Variants in MAGI2 observed in about 807,000 individuals in gnomAD.
MAGI2 encodes membrane associated guanylate kinase, WW and PDZ domain containing 2.
In MAGI2, 35 loss-of-function variants were observed where a neutral mutation model predicts 133.3. The observed-to-expected ratio is 0.26, with a 90% CI of 0.20 to 0.35. The LOEUF (loss-of-function observed/expected upper bound fraction) is 0.35, where lower values mean the gene tolerates loss of function less well. Among genes scored for constraint, MAGI2 ranks in the 10% least tolerant of loss-of-function variants. The pLI is 1.00. For missense variants in MAGI2, 1,636 were observed against 1,863.4 expected, an observed-to-expected ratio of 0.88 and a Z score of 2.25; for synonymous variants, 729 against 710.6, an observed-to-expected ratio of 1.03 and a Z score of -0.41.
intron 1 of MAGI2, among the ~76,000 whole-genome samples, chr7:79,154,888 C>T (rs1280808556): frequency 6.6e-6 from 1 of 152,180 alleles, no homozygotes; most frequent in Non-Finnish European, 1.5e-5. Flanking sequence ...AAAACAGCAA[C>T]AACAACAAAA....
At chr7:78,578,342 T>C (rs73378203) in intron 3 of MAGI2, among the ~76,000 whole-genome samples, 6,110 of 152,104 alleles carry the variant, frequency 0.04, 307 homozygotes, top group African/African-American at 0.12. Context: ...ACAATGTACA[T>C]AGTACATGTA....
chr7:79,032,214 C>T (rs966114415), intron 1 of MAGI2, among the ~76,000 whole-genome samples: 7 of 151,990 alleles, frequency 4.6e-5, no homozygotes, highest in African/African-American at 1.4e-4. Context: ...CTTTTGGCTT[C>T]GATCAATATA....
chr7:79,214,754 T>C lies in MAGI2; in HGVS notation c.302-207548A>G, dbSNP rs563804340. Among the ~76,000 whole-genome samples, 1,039 of 140,322 alleles carry C rather than the reference T, an allele frequency of 7.4e-3. 18 individuals carry two copies. The highest frequency in any genetic ancestry group is 0.025 in the African/African-American group (970 of 38,128). The allele number at this position is 140,322 out of a possible 152,430, so 92.1% of individuals were successfully genotyped here. A position where few individuals can be genotyped will look rare whatever the true frequency, so the allele number is the denominator to read the frequency against. ...ATATAAATATAAATATATAAATACA[T>C]ATATGATATATAAATAGATAATATA... On this transcript the variant is annotated intron_variant, in intron 1 of 21. Transcript: ENST00000354212.
intron 1 of MAGI2, among the ~76,000 whole-genome samples, chr7:79,172,757 A>G (rs1825737496): frequency 6.6e-6 from 1 of 152,082 alleles, no homozygotes; most frequent in African/African-American, 2.4e-5. Flanking sequence ...GAACAGAAAT[A>G]GGATGTTATC....
At chr7:78,212,023 T>C (rs1787810440) in intron 10 of MAGI2, among the ~76,000 whole-genome samples, 1 of 152,272 alleles carries the variant, frequency 6.6e-6, no homozygotes, top group South Asian at 2.1e-4. Context: ...GCTACCATTA[T>C]TCTTTTATGA....
chr7:78,344,274 A>G (rs1472766263), intron 8 of MAGI2, among the ~76,000 whole-genome samples: 1 of 152,218 alleles, frequency 6.6e-6, no homozygotes, highest in Admixed American at 6.5e-5. Context: ...AGGCTGCCAG[A>G]GCCTTCTAAG....
intron 2 of MAGI2, among the ~76,000 whole-genome samples, chr7:78,632,368 G>T (rs755457908): frequency 1.3e-5 from 2 of 152,162 alleles, no homozygotes; most frequent in African/African-American, 2.4e-5. Context: ...TAGACAGTAT[G>T]GAGAAAAGGG....
At chr7:79,062,276 T>G (rs548603550) in intron 1 of MAGI2, among the ~76,000 whole-genome samples, 1 of 152,220 alleles carries the variant, frequency 6.6e-6, no homozygotes, top group Admixed American at 6.5e-5. Context: ...GTTCAGCCCA[T>G]ACTTCATGTC....
chr7:79,198,673 T>G (rs1320994421), intron 1 of MAGI2, among the ~76,000 whole-genome samples: 1 of 151,910 alleles, frequency 6.6e-6, no homozygotes, highest in Non-Finnish European at 1.5e-5. Context: ...GAGGATCACC[T>G]GTTAGGGGTT....
chr7:78,275,445 T>A (rs1205360451), intron 9 of MAGI2, among the ~76,000 whole-genome samples: 1 of 152,174 alleles, frequency 6.6e-6, no homozygotes, highest in Admixed American at 6.5e-5. Flanking sequence ...TTGTTTTTAT[T>A]CACAAGTTGT....
chr7:78,531,020 G>C (rs918090998), intron 3 of MAGI2, among the ~76,000 whole-genome samples: 1 of 152,112 alleles, frequency 6.6e-6, no homozygotes, highest in Non-Finnish European at 1.5e-5. Context: ...TGAGTAGTAA[G>C]GGCTCCTGGG....
In MAGI2 at chr7:78,343,866, G is replaced by A; in HGVS notation, c.1320C>T (p.Ile440=). The change falls in exon 9 of 22, where the codon ATC becomes ATT. Residue 440 remains isoleucine, a synonymous_variant. Coordinates refer to ENST00000354212, the MANE Select transcript of MAGI2 (RefSeq NM_012301.4). The part of the protein sequence containing the change: ...KKSNMGFGFT[I]IGGDEPDEFL... ...ACTCATCAGGCTCGTCTCCACCAAT[G>A]ATGGTAAATCCAAAGCCCATGTTGC... The A allele has an allele frequency of 1.2e-6, 2 of 1,613,532 alleles. No homozygotes were observed. Among genetic ancestry groups the A allele is most frequent in the South Asian group, 2.2e-5 (2 of 90,954 alleles).
At chr7:79,213,421 C>A (rs1829689396) in intron 1 of MAGI2, among the ~76,000 whole-genome samples, 1 of 151,918 alleles carries the variant, frequency 6.6e-6, no homozygotes, top group South Asian at 2.1e-4. Flanking sequence ...TGGGCTCAAG[C>A]AATTCTCCAG....
At chr7:78,118,886 C>A (rs192996702) in intron 20 of MAGI2, among the ~76,000 whole-genome samples, 9 of 152,180 alleles carry the variant, frequency 5.9e-5, no homozygotes, top group Non-Finnish European at 8.8e-5. Flanking sequence ...TATGTCCACA[C>A]AAAAATCTGC....
chr7:78,806,009 AG>A (rs1366703545), intron 2 of MAGI2, among the ~76,000 whole-genome samples: 3 of 152,180 alleles, frequency 2.0e-5, no homozygotes, highest in African/African-American at 7.2e-5. Flanking sequence ...CAGAAAAAAA[AG>A]GTTTATTTTT....
chr7:78,369,117 CAT>C (rs775004141), intron 7 of MAGI2, 37 bp downstream of exon 7: 1 of 1,376,750 alleles, frequency 7.3e-7, no homozygotes, highest in Non-Finnish European at 1.0e-6. Context: ...AATTTCACAA[CAT>C]ATTAATAACA....
intron 10 of MAGI2, among the ~76,000 whole-genome samples, chr7:78,207,766 C>T (rs767908860): frequency 1.3e-5 from 2 of 152,176 alleles, no homozygotes; most frequent in Non-Finnish European, 2.9e-5. Context: ...ACACTACTGC[C>T]AGTACTCAAA....
intron 1 of MAGI2, among the ~76,000 whole-genome samples, chr7:79,368,049 CTT>C (rs1842834606): frequency 1.3e-5 from 2 of 151,776 alleles, no homozygotes. Flanking sequence ...ACTCCTGAAA[CTT>C]TGCAAATCAG....
At chr7:78,743,848 G>T (rs1822662105) in intron 2 of MAGI2, among the ~76,000 whole-genome samples, 1 of 152,000 alleles carries the variant, frequency 6.6e-6, no homozygotes, top group Non-Finnish European at 1.5e-5. Flanking sequence ...ACCATTTCTG[G>T]GAAGGCCTTC....
Sources: allele counts gnomAD v4.1 joint callset (sites outside exome capture counted in the v4.1 genomes callset), GRCh38; gene constraint gnomAD v4.1.1; transcripts MANE v1.5; gene names NCBI Gene and HGNC (gene_info 2026-07-23, HGNC 2026-07-21).